PLD5: variants seen among roughly 807,000 people sequenced by gnomAD.
PLD5 encodes inactive phospholipase D5.
Under a neutral mutation model 61.1 loss-of-function variants are expected in PLD5, and 36 were observed. The ratio of observed to expected loss-of-function variants is 0.59; its 90% confidence interval spans 0.45 to 0.78. PLD5 has a LOEUF of 0.78. Ranked by LOEUF, PLD5 falls within the 30% of genes least tolerant of loss-of-function variation. The pLI is 0.00. For synonymous variants in PLD5, 243 were observed against 242.8 expected (o/e 1.00, Z -0.01); for missense variants, 515 against 644.4 (o/e 0.80, Z 2.17).
chr1:242,134,565 G>A (rs978464719), intron 5 of PLD5, among the ~76,000 whole-genome samples: 2 of 152,138 alleles, frequency 1.3e-5, no homozygotes, highest in Non-Finnish European at 2.9e-5. Context: ...TCAGAGTCTA[G>A]GAGAAACCCT....
intron 5 of PLD5, among the ~76,000 whole-genome samples, chr1:242,125,015 C>G (rs1053617083): frequency 6.6e-6 from 1 of 152,018 alleles, no homozygotes; most frequent in Non-Finnish European, 1.5e-5. Flanking sequence ...ATTTTACTTG[C>G]AACATAACCG....
chr1:242,119,975 G>C (rs753652200), intron 6 of PLD5, among the ~76,000 whole-genome samples: 2 of 152,122 alleles, frequency 1.3e-5, no homozygotes, highest in Non-Finnish European at 2.9e-5. Flanking sequence ...TCCATACAAT[G>C]GAATTATTTA....
chr1:242,530,105 A>T, the PLD5 span, among the ~76,000 whole-genome samples: 1 of 152,106 alleles, frequency 6.6e-6, no homozygotes, highest in Non-Finnish European at 1.5e-5. Context: ...TATTGGCTGG[A>T]CTGGTCTCGA....
intron 3 of PLD5, among the ~76,000 whole-genome samples, chr1:242,282,723 G>A (rs1288101192): frequency 1.3e-5 from 2 of 151,858 alleles, no homozygotes; most frequent in Non-Finnish European, 2.9e-5. Flanking sequence ...GCCTCTGTCA[G>A]TTATATTTCC....
In PLD5 at chr1:242,508,239, G is replaced by T. The variant is rs149700162; in HGVS notation, c.189+15849C>A. Among the ~76,000 whole-genome samples, 126 of 152,060 alleles carry T rather than the reference G, an allele frequency of 8.3e-4. 3 individuals are homozygous for T. In the East Asian group the frequency reaches 0.023, roughly 27 times the overall value. ...AAAAAAAAAATTAGCTGGGCATGGT[G>T]GTGGGCACCTGTAATCCCAGCTACT... On this transcript the variant is annotated intron_variant, in intron 1 of 9. Coordinates refer to ENST00000536534, the MANE Select transcript of PLD5 (RefSeq NM_001372062.1).
intron 1 of PLD5, among the ~76,000 whole-genome samples, chr1:242,496,564 C>T (rs1243296679): frequency 6.6e-6 from 1 of 152,184 alleles, no homozygotes; most frequent in Non-Finnish European, 1.5e-5. Context: ...GAGATTGTTT[C>T]TATCAGAGGA....
chr1:242,112,497 C>G (rs1661610280), intron 7 of PLD5, among the ~76,000 whole-genome samples: 1 of 151,974 alleles, frequency 6.6e-6, no homozygotes, highest in Non-Finnish European at 1.5e-5. Flanking sequence ...CCACACCCAG[C>G]TAATTTTTGT....
At chr1:242,427,564 C>T (rs1665501183) in intron 1 of PLD5, among the ~76,000 whole-genome samples, 1 of 152,210 alleles carries the variant, frequency 6.6e-6, no homozygotes, top group Non-Finnish European at 1.5e-5. Flanking sequence ...CATCTTAATA[C>T]TTTTGAATCA....
rs941182296 is a variant in PLD5, at chr1:242,087,310, G to C, written c.*2544C>G. On this transcript the variant is annotated 3_prime_UTR_variant, in exon 10 of 10. Transcript: ENST00000536534. ...ATGCGGCTCCTGGTGATAGCATTTT[G>C]CCAGGCCTCAAAAGGAAATGGCAAT... 6.6e-6 allele frequency: 1 copy of C among 152,040 alleles called. No homozygotes were observed. The highest frequency in any genetic ancestry group is 1.5e-5 in the Non-Finnish European group (1 of 68,024). The allele number at this position is 152,040 out of a possible 1,614,324, so 9.4% of individuals were successfully genotyped here. A position where few individuals can be genotyped will look rare whatever the true frequency, so the allele number is the denominator to read the frequency against.
At chr1:242,111,775 C>A (rs1224156915) in intron 7 of PLD5, among the ~76,000 whole-genome samples, 1 of 150,004 alleles carries the variant, frequency 6.7e-6, no homozygotes, top group Non-Finnish European at 1.5e-5. Context: ...TCTTTGATGA[C>A]CTTTCAATTT....
At chr1:242,322,811 CTG>C (rs1384179853) in intron 2 of PLD5, among the ~76,000 whole-genome samples, 1 of 152,238 alleles carries the variant, frequency 6.6e-6, no homozygotes, top group Admixed American at 6.5e-5. Flanking sequence ...CCATGCAGAA[CTG>C]TGAGTCAATT....
Position 242,256,374 on chromosome 1 carries a change from A to G in PLD5, c.607+8963T>C, listed in dbSNP as rs1673015387. On this transcript the variant is annotated intron_variant, in intron 4 of 9. Transcript: ENST00000536534. The surrounding 1 kb of genome is among the most constrained non-coding windows in gnomAD (Gnocchi z 5.7). The stretch of plus-strand genomic sequence containing the variant: ...ATCTGAAGATCTATTTCTCTATCTG[A>G]TTTGAATGTCCCTCAAGAATCATTC... Among the ~76,000 whole-genome samples, 1 of 152,238 alleles carries G rather than the reference A, an allele frequency of 6.6e-6. No homozygotes were observed. The highest frequency in any genetic ancestry group is 6.5e-5 in the Admixed American group (1 of 15,290).
intron 1 of PLD5, among the ~76,000 whole-genome samples, chr1:242,362,183 T>G (rs1279680415): frequency 1.3e-5 from 2 of 152,072 alleles, no homozygotes; most frequent in Non-Finnish European, 2.9e-5. Context: ...ATGTGTACAG[T>G]TCTTAAAATC....
At chr1:242,134,872 G>A (rs1663583215) in intron 5 of PLD5, among the ~76,000 whole-genome samples, 1 of 152,180 alleles carries the variant, frequency 6.6e-6, no homozygotes, top group Non-Finnish European at 1.5e-5. Flanking sequence ...CAGAAACATT[G>A]CAGAATGATG....
At chr1:242,182,091 G>A (rs982013110) in intron 5 of PLD5, among the ~76,000 whole-genome samples, 1 of 152,182 alleles carries the variant, frequency 6.6e-6, no homozygotes, top group African/African-American at 2.4e-5. Flanking sequence ...TTTGATTAAT[G>A]ATGATTCTGA....
intron 1 of PLD5, among the ~76,000 whole-genome samples, chr1:242,394,539 C>T (rs1343149977): frequency 9.8e-4 from 18 of 18,400 alleles, no homozygotes; most frequent in African/African-American, 2.3e-3. Flanking sequence ...TATATGTGAA[C>T]ATATATATGT....
chr1:242,402,572 T>C (rs1201003380), intron 1 of PLD5, among the ~76,000 whole-genome samples: 1 of 152,250 alleles, frequency 6.6e-6, no homozygotes, highest in Non-Finnish European at 1.5e-5. Context: ...TTCAGCTGGC[T>C]ATAGAGAAAT....
intron 1 of PLD5, among the ~76,000 whole-genome samples, chr1:242,498,195 C>A (rs1411178128): frequency 6.6e-6 from 1 of 152,204 alleles, no homozygotes; most frequent in Non-Finnish European, 1.5e-5. Flanking sequence ...GAACTCCTGA[C>A]CTCGTGATCC....
chr1:242,190,065 T>C (rs1218139613), intron 5 of PLD5, among the ~76,000 whole-genome samples: 2 of 150,790 alleles, frequency 1.3e-5, no homozygotes, highest in Non-Finnish European at 2.9e-5. Context: ...CATCTCCTCC[T>C]TTACTTAGTG....
Sources: allele counts gnomAD v4.1 joint callset (sites outside exome capture counted in the v4.1 genomes callset), GRCh38; gene constraint gnomAD v4.1.1; non-coding constraint Gnocchi (gnomAD v3.1); transcripts MANE v1.5; gene names NCBI Gene and HGNC (gene_info 2026-07-23, HGNC 2026-07-21).